Variants in CNTN4 observed in about 807,000 individuals in gnomAD.
CNTN4 encodes contactin 4, also known as contactin-4.
Under a neutral mutation model 122.5 loss-of-function variants are expected in CNTN4, and 77 were observed. The observed-to-expected ratio is 0.63, with a 90% CI of 0.52 to 0.76. The LOEUF is 0.76. CNTN4 is among the 30% of genes least tolerant of loss of function. CNTN4 has a pLI of 0.00. For missense variants in CNTN4, 1,256 were observed against 1,259.1 expected (o/e 1.00, Z 0.04); for synonymous variants, 512 against 447.0 (o/e 1.15, Z -1.83).
intron 4 of CNTN4, among the ~76,000 whole-genome samples, chr3:2,650,212 A>G (rs2150185930): frequency 6.6e-6 from 1 of 152,034 alleles, no homozygotes; most frequent in South Asian, 2.1e-4. Flanking sequence ...GAGGGGCTTA[A>G]AGCTTTCAAT....
chr3:2,875,764 G>A (rs933309950), intron 8 of CNTN4, among the ~76,000 whole-genome samples: 5 of 152,200 alleles, frequency 3.3e-5, no homozygotes, highest in East Asian at 3.8e-4. Flanking sequence ...GGACCAACAC[G>A]TACAGAGATA....
intron 13 of CNTN4, among the ~76,000 whole-genome samples, 178 bp from the exon 14 acceptor site, chr3:2,988,167 T>C (rs1047090946): frequency 1.3e-5 from 2 of 152,198 alleles, no homozygotes; most frequent in Admixed American, 6.5e-5. Context: ...GTCACATGTC[T>C]CAATTATGTT....
At chr3:2,806,676 A>G (rs1261250738) in intron 6 of CNTN4, among the ~76,000 whole-genome samples, 1 of 152,128 alleles carries the variant, frequency 6.6e-6, no homozygotes, top group Non-Finnish European at 1.5e-5. Flanking sequence ...GAAAATGCTT[A>G]TTTATTAGTT....
At chr3:2,965,017 GAA>G (rs1234095561) in intron 13 of CNTN4, among the ~76,000 whole-genome samples, 4 of 152,188 alleles carry the variant, frequency 2.6e-5, no homozygotes, top group African/African-American at 4.8e-5. Flanking sequence ...TGTGTAAATG[GAA>G]TGATTGGCCC....
intron 2 of CNTN4, among the ~76,000 whole-genome samples, chr3:2,109,205 C>T (rs754194530): frequency 6.6e-6 from 1 of 152,110 alleles, no homozygotes; most frequent in Non-Finnish European, 1.5e-5. Context: ...TAGGCAAGGT[C>T]AGTATTGGTG....
rs534811988 is a variant in CNTN4 at position 2,108,273 on chromosome 3, G to T, written c.-145+7634G>T. On this transcript the variant is annotated intron_variant, in intron 2 of 24. Coordinates refer to ENST00000418658, the MANE Select transcript of CNTN4 (RefSeq NM_175607.3). ...ACAGTTTGCACAATGCTCAACTCAAGTATCACTAAGTTAAGCCTCTTTCAA... is the reference window on the plus strand; with the variant it reads ...ACAGTTTGCACAATGCTCAACTCAATTATCACTAAGTTAAGCCTCTTTCAA... 1.7e-4 allele frequency among the ~76,000 whole-genome samples: 25 copies of T among 148,990 alleles called. No individual in the cohort carries two copies. The South Asian group carries it at 5.1e-3, about 30-fold the overall frequency.
At chr3:2,125,330 C>CTGTGTGTGTGTGTG (rs397721422) in intron 2 of CNTN4, among the ~76,000 whole-genome samples, 1,864 of 143,424 alleles carry the variant, frequency 0.013, 17 homozygotes, top group Non-Finnish European at 0.018. Flanking sequence ...ATTCTATTCT[C>CTGTGTGTGTGTGTG]TGTGTGTGTG....
chr3:2,432,789 G>A (rs2048124253), intron 3 of CNTN4, among the ~76,000 whole-genome samples: 1 of 148,572 alleles, frequency 6.7e-6, no homozygotes, highest in Non-Finnish European at 1.5e-5. Flanking sequence ...ACGTGGTAGT[G>A]CAGATATGTC....
At chr3:2,381,113 C>G (rs1341503392) in intron 3 of CNTN4, among the ~76,000 whole-genome samples, 3 of 152,026 alleles carry the variant, frequency 2.0e-5, no homozygotes, top group Non-Finnish European at 4.4e-5. Context: ...TCCCGCCATT[C>G]TCCTGCCTCA....
intron 3 of CNTN4, among the ~76,000 whole-genome samples, chr3:2,526,792 T>G (rs4143131): frequency 0.54 from 81,286 of 151,812 alleles, 22,052 homozygotes; most frequent in East Asian, 0.77. Flanking sequence ...GGGAGGCAGG[T>G]TGAGAAAGAA....
chr3:2,726,672 A>G (rs1451929730), intron 4 of CNTN4, among the ~76,000 whole-genome samples: 2 of 152,162 alleles, frequency 1.3e-5, no homozygotes, highest in Non-Finnish European at 2.9e-5. Flanking sequence ...TAATGCACCT[A>G]AATATAAATC....
intron 4 of CNTN4, among the ~76,000 whole-genome samples, chr3:2,722,802 G>C (rs2087944501): frequency 6.6e-6 from 1 of 152,124 alleles, no homozygotes; most frequent in Non-Finnish European, 1.5e-5. Context: ...TTTTATGCTT[G>C]TCATTTTGAA....
At chr3:2,388,343 A>G (rs1382183200) in intron 3 of CNTN4, among the ~76,000 whole-genome samples, 2 of 152,216 alleles carry the variant, frequency 1.3e-5, no homozygotes, top group Non-Finnish European at 2.9e-5. Context: ...TCTGGGATCA[A>G]TGCATTGCCA....
intron 2 of CNTN4, among the ~76,000 whole-genome samples, chr3:2,193,027 C>T (rs187469405): frequency 5.9e-5 from 9 of 152,246 alleles, no homozygotes; most frequent in Non-Finnish European, 1.3e-4. Flanking sequence ...TTATTTCTCT[C>T]TTAGTGTATC....
intron 2 of CNTN4, among the ~76,000 whole-genome samples, chr3:2,297,602 TCTTA>T (rs1277797094): frequency 6.6e-6 from 1 of 152,232 alleles, no homozygotes; most frequent in Admixed American, 6.5e-5. Context: ...TGTATATTTT[TCTTA>T]CTTGTTATTT....
In CNTN4 at chr3:2,270,012, C is replaced by A. The variant is rs867916537; in HGVS notation, c.-144-69166C>A. 4.0e-5 allele frequency among the ~76,000 whole-genome samples: 4 copies of A among 99,592 alleles called. 2 individuals carry two copies. The highest frequency in any genetic ancestry group is 9.2e-5 in the Non-Finnish European group (4 of 43,542). The allele number at this position is 99,592 out of a possible 152,430, so 65.3% of individuals were successfully genotyped here. On this transcript the variant is annotated intron_variant, in intron 2 of 24. Coordinates refer to ENST00000418658, the MANE Select transcript of CNTN4 (RefSeq NM_175607.3). Reference sequence around the variant, plus strand: ...GGCCGGACTGCGGACTGCAGTGGCGCAATCTCGGCTCACTGCAAGCTCCGC... The same window carrying A: ...GGCCGGACTGCGGACTGCAGTGGCGAAATCTCGGCTCACTGCAAGCTCCGC...
intron 7 of CNTN4, among the ~76,000 whole-genome samples, chr3:2,836,304 T>A (rs796119368): frequency 3.5e-4 from 53 of 152,248 alleles, no homozygotes; most frequent in African/African-American, 1.3e-3. Context: ...GCCAAATAAT[T>A]TGTGGCACAG....
Position 2,269,126 on chromosome 3 carries a change from A to C in CNTN4, c.-144-70052A>C, listed in dbSNP as rs148348761. On this transcript the variant is annotated intron_variant, in intron 2 of 24. Coordinates refer to ENST00000418658, the MANE Select transcript of CNTN4 (RefSeq NM_175607.3). The stretch of plus-strand genomic sequence containing the variant: ...GAATTTCAAATGTGGTTGTGTCCCC[A>C]AAATTAGCAACGTTTTCAAAGGTGT... 9.1e-4 allele frequency among the ~76,000 whole-genome samples: 138 copies of C among 152,222 alleles called. 1 individual carries two copies. The East Asian group carries it at 0.025, about 28-fold the overall frequency.
intron 14 of CNTN4, among the ~76,000 whole-genome samples, chr3:3,008,266 GA>G (rs1027862138): frequency 6.6e-6 from 1 of 152,124 alleles, no homozygotes; most frequent in Non-Finnish European, 1.5e-5. Flanking sequence ...CCTGTTTGGA[GA>G]TAGAGCAAGT....
Sources: gnomAD v4.1 joint callset for allele counts (sites outside exome capture counted in the v4.1 genomes callset) on GRCh38, gnomAD v4.1.1 for gene constraint, MANE v1.5 for transcripts, NCBI Gene and HGNC (gene_info 2026-07-23, HGNC 2026-07-21) for gene names.